Variants in TMTC2 observed in about 807,000 individuals in gnomAD.
TMTC2 encodes protein O-mannosyl-transferase TMTC2.
In TMTC2, 43 loss-of-function variants were observed where a neutral mutation model predicts 82.4. The observed-to-expected ratio is 0.52, with a 90% CI of 0.41 to 0.67. TMTC2 has a LOEUF of 0.67. TMTC2 is among the 30% of genes least tolerant of loss of function. The pLI is 0.00. For missense variants in TMTC2, 919 were observed against 1,012.4 expected, an observed-to-expected ratio of 0.91 and a Z score of 1.25; for synonymous variants, 408 against 381.9, an observed-to-expected ratio of 1.07 and a Z score of -0.80.
At chr12:83,021,294 C>G (rs561051072) in intron 8 of TMTC2, among the ~76,000 whole-genome samples, 58 of 152,234 alleles carry the variant, frequency 3.8e-4, no homozygotes, top group African/African-American at 1.4e-3. Flanking sequence ...CTTCCACACT[C>G]TTTTATCCTA....
chr12:82,916,364 A>G (rs1874998959), intron 3 of TMTC2, among the ~76,000 whole-genome samples: 1 of 152,206 alleles, frequency 6.6e-6, no homozygotes, highest in Non-Finnish European at 1.5e-5. Flanking sequence ...CTATAATACC[A>G]TGTGCTAGTT....
At chr12:82,885,811 T>C (rs903600699) in intron 2 of TMTC2, among the ~76,000 whole-genome samples, 5 of 152,148 alleles carry the variant, frequency 3.3e-5, no homozygotes, top group Non-Finnish European at 7.3e-5. Flanking sequence ...TTTTCAGGTT[T>C]CTCCACCGTA....
In TMTC2 at chr12:82,990,223, G is replaced by A. The variant is rs566564103; in HGVS notation, c.2070+4177G>A. 3.3e-5 allele frequency among the ~76,000 whole-genome samples: 5 copies of A among 152,196 alleles called. No homozygotes were observed. In the South Asian group the frequency reaches 1.0e-3, roughly 32 times the overall value. Reference sequence around the variant, plus strand: ...AAGGGAAAATATGTAAAAATGAAATGCAACTATATTAGACTTAGACTGGAG... The same window carrying A: ...AAGGGAAAATATGTAAAAATGAAATACAACTATATTAGACTTAGACTGGAG... On this transcript the variant is annotated intron_variant, in intron 8 of 11. Coordinates refer to ENST00000321196, the MANE Select transcript of TMTC2 (RefSeq NM_152588.3).
rs1882206702 is a variant in TMTC2, at chr12:83,048,022, T to C, written c.2153-2882T>C. 1.3e-5 allele frequency among the ~76,000 whole-genome samples: 2 copies of C among 152,216 alleles called. 1 individual carries two copies. The highest frequency in any genetic ancestry group is 2.9e-5 in the Non-Finnish European group (2 of 68,030). ...AATATAGATTACATTTCAGAGTTAA[T>C]AGCTGCCTGTAAAGGAAAAGAACAA... On this transcript the variant is annotated intron_variant, in intron 9 of 11. Transcript: ENST00000321196.
At chr12:82,947,915 C>T (rs778716574) in intron 4 of TMTC2, among the ~76,000 whole-genome samples, 60 of 152,242 alleles carry the variant, frequency 3.9e-4, no homozygotes, top group Admixed American at 4.6e-4. Context: ...CTCCATTCTT[C>T]AGCCTTGTCT....
chr12:82,873,375 G>C (rs953567986), intron 2 of TMTC2, among the ~76,000 whole-genome samples: 8 of 152,032 alleles, frequency 5.3e-5, no homozygotes, highest in Admixed American at 4.6e-4. Flanking sequence ...CTGCTTAGCT[G>C]TCTATTCTAC....
In TMTC2 at chr12:83,133,302, A is replaced by G. The variant is rs1055215715; in HGVS notation, c.*913A>G. The G allele has an allele frequency of 1.3e-5, 2 of 152,192 alleles. No individual in the cohort carries two copies. Among genetic ancestry groups the G allele is most frequent in the Admixed American group, 1.3e-4 (2 of 15,272 alleles). 9.4% of individuals were successfully genotyped at this position (152,192 alleles called of 1,614,324 possible). The stretch of plus-strand genomic sequence containing the variant: ...GCCTTGCAGTTCCAATAACTAACCA[A>G]CAGGTTATTAGACAAAAGGGAAGGT... On this transcript the variant is annotated 3_prime_UTR_variant, in exon 12 of 12. Coordinates refer to ENST00000321196, the MANE Select transcript of TMTC2 (RefSeq NM_152588.3).
intron 1 of TMTC2, chr12:82,690,239 A>G (rs1170414218): frequency 1.5e-5 from 5 of 344,292 alleles, no homozygotes; most frequent in African/African-American, 4.4e-5. Context: ...TTCCGCTACT[A>G]CATTTCAGAT....
At chr12:83,003,717 T>A (rs1351056791) in intron 8 of TMTC2, among the ~76,000 whole-genome samples, 1 of 152,188 alleles carries the variant, frequency 6.6e-6, no homozygotes, top group East Asian at 1.9e-4. Context: ...GAATTTCATT[T>A]CTTTAAGGAT....
chr12:82,768,151 A>G (rs758757517), intron 1 of TMTC2, among the ~76,000 whole-genome samples: 3 of 152,228 alleles, frequency 2.0e-5, no homozygotes, highest in Non-Finnish European at 4.4e-5. Context: ...CCAACACTAC[A>G]GTTGAAAGAT....
At chr12:82,896,875 A>G (rs1271583722) in intron 3 of TMTC2, among the ~76,000 whole-genome samples, 1 of 152,172 alleles carries the variant, frequency 6.6e-6, no homozygotes, top group Non-Finnish European at 1.5e-5. Context: ...GTTTCTGACT[A>G]TGTTTGTCCA....
rs149135834 is a variant in TMTC2 at position 82,896,516 on chromosome 12, C to T, written c.1353C>T (p.Leu451=). 18 of 1,614,010 alleles carry T rather than the reference C, an allele frequency of 1.1e-5. No individual in the cohort carries two copies. In the African/African-American group the frequency reaches 1.9e-4, roughly 17 times the overall value. The change falls in exon 3 of 12, where the codon CTC becomes CTT. Residue 451 remains leucine, a synonymous_variant. Transcript: ENST00000321196. ...ATGTCAAAGTCCAAAAGCGGTTCCT[C>T]AAGAGCTTGATTTTTTATGCTACAG... The part of the protein sequence containing the change: ...ALYVKVQKRF[L]KSLIFYATAT...
intron 1 of TMTC2, among the ~76,000 whole-genome samples, chr12:82,798,200 C>T (rs567702154): frequency 6.6e-6 from 1 of 150,474 alleles, no homozygotes; most frequent in African/African-American, 2.4e-5. Context: ...CGTGATCCAC[C>T]TGCCTCAGCC....
At chr12:82,798,838 G>T (rs994526830) in intron 1 of TMTC2, among the ~76,000 whole-genome samples, 2 of 147,926 alleles carry the variant, frequency 1.4e-5, no homozygotes, top group Non-Finnish European at 3.0e-5. Context: ...GTAAAGACTT[G>T]CTAGTTAGAG....
At position 83,072,381 on chromosome 12, in the gene TMTC2, T is replaced by G. The variant is rs536831741; in HGVS notation, c.2331+10550T>G. On this transcript the variant is annotated intron_variant, in intron 11 of 11. Coordinates refer to ENST00000321196, the MANE Select transcript of TMTC2 (RefSeq NM_152588.3). ...GTATGAGAGAGTGCTTGATATAATT[T>G]CAATTTTCTTAAATTTATTGAGGCT... is the stretch of plus-strand genomic sequence containing the variant. 3.9e-5 allele frequency among the ~76,000 whole-genome samples: 6 copies of G among 152,328 alleles called. No homozygotes were observed. In the South Asian group the frequency reaches 1.2e-3, roughly 32 times the overall value.
chr12:83,078,146 T>A (rs916211969), intron 11 of TMTC2, among the ~76,000 whole-genome samples: 2 of 151,798 alleles, frequency 1.3e-5, no homozygotes, highest in Admixed American at 1.3e-4. Flanking sequence ...ACAAAGGTGA[T>A]CAGATATCGA....
intron 1 of TMTC2, among the ~76,000 whole-genome samples, chr12:82,792,661 G>T (rs1041294668): frequency 1.3e-5 from 2 of 151,832 alleles, no homozygotes; most frequent in Non-Finnish European, 2.9e-5. Context: ...TTTTTGTAGA[G>T]ATGGGGGTCT....
At chr12:82,701,162 C>T (rs1472099047) in intron 1 of TMTC2, among the ~76,000 whole-genome samples, 10 of 151,836 alleles carry the variant, frequency 6.6e-5, no homozygotes, top group Non-Finnish European at 1.3e-4. Flanking sequence ...GATTTTTTAC[C>T]GTATTGTAAG....
chr12:82,723,514 A>G (rs1874306169), intron 1 of TMTC2, among the ~76,000 whole-genome samples: 1 of 152,190 alleles, frequency 6.6e-6, no homozygotes. Context: ...GATGGGACCT[A>G]TGTCTAAACA....
Sources: allele counts gnomAD v4.1 joint callset (sites outside exome capture counted in the v4.1 genomes callset), GRCh38; gene constraint gnomAD v4.1.1; transcripts MANE v1.5; gene names NCBI Gene and HGNC (gene_info 2026-07-23, HGNC 2026-07-21).